Variants in PCDH15 observed in about 807,000 individuals in gnomAD.
PCDH15 encodes the protein protocadherin-15.
Under a neutral mutation model 178.5 loss-of-function variants are expected in PCDH15, and 129 were observed. The ratio of observed to expected loss-of-function variants is 0.72; its 90% CI spans 0.63 to 0.84. The LOEUF is 0.84. PCDH15 is among the 40% of genes least tolerant of loss of function. The pLI, the probability that PCDH15 is intolerant of heterozygous loss-of-function variation, is 0.00. For synonymous variants in PCDH15, 800 were observed against 732.0 expected, an observed-to-expected ratio of 1.09 and a Z score of -1.50; for missense variants, 2,230 against 2,099.9, an observed-to-expected ratio of 1.06 and a Z score of -1.21.
At chr10:55,241,615 G>A (rs1217729241) in intron 1 of PCDH15, among the ~76,000 whole-genome samples, 17 of 152,022 alleles carry the variant, frequency 1.1e-4, no homozygotes, top group Non-Finnish European at 2.2e-4. Context: ...TAGAGACAGA[G>A]TGTTACTATG....
intron 3 of PCDH15, among the ~76,000 whole-genome samples, chr10:54,401,318 A>G (rs1951904579): frequency 6.6e-6 from 1 of 151,960 alleles, no homozygotes. Flanking sequence ...TTTGGAAAAA[A>G]AATGAGAGAT....
intron 1 of PCDH15, among the ~76,000 whole-genome samples, chr10:54,717,095 A>C (rs1318114211): frequency 6.9e-6 from 1 of 145,354 alleles, no homozygotes; most frequent in East Asian, 2.0e-4. Flanking sequence ...CTTACACCTT[A>C]TACAAAAATT....
At chr10:54,075,893 C>T (rs2094334043) in intron 17 of PCDH15, among the ~76,000 whole-genome samples, 1 of 152,024 alleles carries the variant, frequency 6.6e-6, no homozygotes, top group African/African-American at 2.4e-5. Context: ...AGTTCTCCAG[C>T]TTTGTTATTT....
At chr10:54,247,636 T>G (rs2056084231) in intron 8 of PCDH15, among the ~76,000 whole-genome samples, 1 of 152,020 alleles carries the variant, frequency 6.6e-6, no homozygotes, top group East Asian at 1.9e-4. Context: ...TTCATTGAGA[T>G]GGCCTTTTGG....
chr10:54,335,794 T>C (rs914880556), intron 6 of PCDH15, among the ~76,000 whole-genome samples: 1 of 151,874 alleles, frequency 6.6e-6, no homozygotes, highest in Non-Finnish European at 1.5e-5. Flanking sequence ...ACTGGTAGAG[T>C]GGGGTCCTGC....
At chr10:53,910,815 C>T (rs565292988) in intron 25 of PCDH15, among the ~76,000 whole-genome samples, 1 of 152,116 alleles carries the variant, frequency 6.6e-6, no homozygotes, top group East Asian at 1.9e-4. Flanking sequence ...TAGAGAAGAC[C>T]TTAAATGACC....
chr10:55,374,993 G>A (rs1422015861), intron 2 of PCDH15, among the ~76,000 whole-genome samples: 6 of 152,078 alleles, frequency 3.9e-5, no homozygotes, highest in Non-Finnish European at 8.8e-5. Context: ...CTACACTTCA[G>A]TTACCAAGTA....
intron 2 of PCDH15, among the ~76,000 whole-genome samples, chr10:55,164,118 C>T (rs777750495): frequency 4.1e-4 from 62 of 152,006 alleles, no homozygotes; most frequent in Non-Finnish European, 6.5e-4. Context: ...ACTATGGCTG[C>T]GGAGTCAGAC....
At chr10:55,241,404 T>G (rs1360920387) in intron 1 of PCDH15, among the ~76,000 whole-genome samples, 1 of 152,124 alleles carries the variant, frequency 6.6e-6, no homozygotes, top group Non-Finnish European at 1.5e-5. Context: ...TTCCCTCTCA[T>G]TTTGAATTTA....
upstream of PCDH15, among the ~76,000 whole-genome samples, chr10:55,322,251 A>G (rs1588911862): frequency 1.3e-5 from 2 of 152,064 alleles, no homozygotes; most frequent in Non-Finnish European, 2.9e-5. Flanking sequence ...TTTGCCTTAC[A>G]CCATTATTGT....
At chr10:54,318,986 A>C (rs1050294572) in intron 7 of PCDH15, among the ~76,000 whole-genome samples, 14 of 152,180 alleles carry the variant, frequency 9.2e-5, no homozygotes, top group African/African-American at 3.1e-4. Flanking sequence ...TTTATTAGAA[A>C]TGTAAATTGT....
chr10:54,012,772 C>T (rs1197308583), intron 20 of PCDH15, among the ~76,000 whole-genome samples: 2 of 152,216 alleles, frequency 1.3e-5, no homozygotes, highest in African/African-American at 2.4e-5. Flanking sequence ...ACCAGGCCTG[C>T]CTTATAAGAG....
At chr10:54,174,155 T>C (rs2047183774) in intron 13 of PCDH15, among the ~76,000 whole-genome samples, 3 of 152,134 alleles carry the variant, frequency 2.0e-5, no homozygotes. Context: ...GGCTAATGAA[T>C]GAAGAAGAGG....
chr10:55,436,138 A>C (rs879771389), intron 2 of PCDH15, among the ~76,000 whole-genome samples: 12 of 152,120 alleles, frequency 7.9e-5, no homozygotes, highest in Admixed American at 1.3e-4. Context: ...ATTAACATAT[A>C]TCCAACCTAG....
intron 15 of PCDH15, among the ~76,000 whole-genome samples, chr10:54,113,621 G>A (rs4332430): frequency 1.3e-5 from 2 of 151,684 alleles, no homozygotes; most frequent in Non-Finnish European, 2.9e-5. Flanking sequence ...CTTCTCTACC[G>A]GTCCTTCTCC....
chr10:54,306,962 T>C (rs2133377368), intron 8 of PCDH15, among the ~76,000 whole-genome samples: 1 of 143,680 alleles, frequency 7.0e-6, no homozygotes, highest in Admixed American at 7.2e-5. Context: ...TAGTTTACTT[T>C]TATGTAGGCC....
rs7101111 is a variant in PCDH15 at position 54,335,963 on chromosome 10, G to C, written c.595-6257C>G. Among the ~76,000 whole-genome samples the C allele has an allele frequency of 6.7e-3, 1,020 of 152,192 alleles. 14 individuals are homozygous for C. The highest frequency in any genetic ancestry group is 0.023 in the African/African-American group (965 of 41,534). Reference sequence around the variant, plus strand: ...TTGACCAAAATGCTGATAATGATACGGACAATGAAATCCAGGGTAAAGTGA... The same window carrying C: ...TTGACCAAAATGCTGATAATGATACCGACAATGAAATCCAGGGTAAAGTGA... On this transcript the variant is annotated intron_variant, in intron 6 of 37. Coordinates refer to ENST00000644397, the MANE Select transcript of PCDH15 (RefSeq NM_001384140.1).
At chr10:54,116,250 A>T (rs867190553) in intron 15 of PCDH15, among the ~76,000 whole-genome samples, 1 of 152,028 alleles carries the variant, frequency 6.6e-6, no homozygotes, top group Middle Eastern at 3.2e-3. Context: ...AAAAAAAAAA[A>T]AAAAGCCATT....
At chr10:54,250,877 C>T (rs1422042371) in intron 8 of PCDH15, among the ~76,000 whole-genome samples, 1 of 152,114 alleles carries the variant, frequency 6.6e-6, no homozygotes, top group African/African-American at 2.4e-5. Flanking sequence ...AACTGCTTTC[C>T]TTGTAAATAA....
Sources: allele counts gnomAD v4.1 joint callset (sites outside exome capture counted in the v4.1 genomes callset), GRCh38; gene constraint gnomAD v4.1.1; transcripts MANE v1.5; gene names NCBI Gene and HGNC (gene_info 2026-07-23, HGNC 2026-07-21).